DOCK1: variants seen among roughly 807,000 people sequenced by gnomAD.
DOCK1 encodes dedicator of cytokinesis protein 1.
Under a neutral mutation model 262.7 loss-of-function variants are expected in DOCK1, and 138 were observed. The observed-to-expected ratio is 0.53, with a 90% CI of 0.46 to 0.61. DOCK1 has a LOEUF of 0.61. Among genes scored for constraint, DOCK1 ranks in the 20% least tolerant of loss-of-function variants. The pLI is 0.00. For synonymous variants in DOCK1, 866 were observed against 867.4 expected, an observed-to-expected ratio of 1.00 and a Z score of 0.03; for missense variants, 1,908 against 2,370.7, an observed-to-expected ratio of 0.80 and a Z score of 4.05.
chr10:127,221,517 G>A (rs1291258954), intron 27 of DOCK1, among the ~76,000 whole-genome samples: 2 of 152,160 alleles, frequency 1.3e-5, no homozygotes, highest in Admixed American at 1.3e-4. Flanking sequence ...GTCTGCTCAG[G>A]GAGCTCTGGG....
intron 1 of DOCK1, among the ~76,000 whole-genome samples, chr10:126,941,628 T>A (rs940918369): frequency 2.6e-5 from 4 of 151,890 alleles, no homozygotes; most frequent in Non-Finnish European, 5.9e-5. Context: ...TGGTGGCGGG[T>A]GCCTGTAGTC....
At chr10:127,402,737 G>A (rs142290665) in intron 38 of DOCK1, 32 of 547,886 alleles carry the variant, frequency 5.8e-5, no homozygotes, top group African/African-American at 5.3e-4. Flanking sequence ...TCCGACAGAC[G>A]GGCTTCGGGC....
chr10:127,374,858 T>C (rs1260836889), intron 35 of DOCK1, among the ~76,000 whole-genome samples: 3 of 151,970 alleles, frequency 2.0e-5, no homozygotes, highest in East Asian at 1.9e-4. Context: ...CCAGGAAGGA[T>C]CCCCCCCTAG....
At chr10:127,081,266 G>T (rs1026181823) in intron 23 of DOCK1, among the ~76,000 whole-genome samples, 2 of 152,008 alleles carry the variant, frequency 1.3e-5, no homozygotes, top group African/African-American at 4.8e-5. Context: ...GTTTCTACAG[G>T]TTTGTCCTGG....
rs754574678 is a variant in DOCK1 at position 126,970,764 on chromosome 10, C to T, written c.109C>T (p.His37Tyr). 2 of 1,613,298 alleles carry T rather than the reference C, an allele frequency of 1.2e-6. No homozygotes were observed. The highest frequency in any genetic ancestry group is 1.1e-5 in the South Asian group (1 of 90,996). Residue 37 changes from histidine (H) to tyrosine (Y), a missense_variant, in exon 2 of 52, where the codon CAC becomes TAC. By Grantham distance (83) the His-to-Tyr change is moderately conservative. Transcript: ENST00000623213. The part of the protein sequence containing the change: ...ELSLQIGDTV[H>Y]ILETYEGWYR... The stretch of plus-strand genomic sequence containing the variant: ...TTCTTTACAGATCGGAGACACTGTG[C>T]ACATCTTAGAAACATATGAAGGTGC...
intron 29 of DOCK1, among the ~76,000 whole-genome samples, chr10:127,285,722 G>A (rs74158652): frequency 0.022 from 3,413 of 152,326 alleles, 109 homozygotes; most frequent in African/African-American, 0.078. Flanking sequence ...TAGTCCCTAT[G>A]GAGCTGCTGC....
At position 127,248,036 on chromosome 10, in the gene DOCK1, T is replaced by C; in HGVS notation, c.2876T>C (p.Ile959Thr). The C allele has an allele frequency of 6.2e-7, 1 of 1,613,984 alleles. No homozygotes were observed. The highest frequency in any genetic ancestry group is 8.5e-7 in the Non-Finnish European group (1 of 1,179,886). ...IGNFVACMTA[I>T]LRQMEDYHYA... ...AACTTCGTGGCTTGCATGACAGCTA[T>C]TTTACGACAAATGGAAGATTACCAT... The change falls in exon 28 of 52, where the codon ATT becomes ACT. Residue 959 changes from isoleucine (I) to threonine (T), a missense_variant. Around this residue, in one of 9 missense-constraint regions of DOCK1, gnomAD observed 518 missense variants for 575.1 expected, o/e 0.90. Coordinates refer to ENST00000623213, the MANE Select transcript of DOCK1 (RefSeq NM_001290223.2).
chr10:127,021,871 G>C (rs1158639587), intron 13 of DOCK1, among the ~76,000 whole-genome samples: 1 of 152,144 alleles, frequency 6.6e-6, no homozygotes, highest in African/African-American at 2.4e-5. Context: ...GGAGCAAAGA[G>C]AGTTATTTTC....
chr10:127,400,995 A>G (rs1249217934), intron 38 of DOCK1, among the ~76,000 whole-genome samples: 2 of 152,144 alleles, frequency 1.3e-5, no homozygotes, highest in South Asian at 2.1e-4. Context: ...CAACTTCACT[A>G]TCGTAGATGA....
At chr10:127,335,568 G>GA (rs11418483) in intron 29 of DOCK1, among the ~76,000 whole-genome samples, 55,624 of 150,272 alleles carry the variant, frequency 0.37, 10,387 homozygotes, top group East Asian at 0.53. Context: ...TTTTTTTTGA[G>GA]ATGGAGTCTT....
chr10:126,937,399 A>G (rs2034624078), intron 1 of DOCK1, among the ~76,000 whole-genome samples: 1 of 151,360 alleles, frequency 6.6e-6, no homozygotes, highest in South Asian at 2.1e-4. Context: ...TAGTTTTTTG[A>G]GGGACTGCTG....
chr10:127,194,717 T>C (rs1389092501), intron 27 of DOCK1, among the ~76,000 whole-genome samples: 2 of 152,062 alleles, frequency 1.3e-5, no homozygotes, highest in East Asian at 1.9e-4. Context: ...AAGTCCTCGT[T>C]GAGGGGGGAG....
chr10:127,310,192 A>G (rs1402289286), intron 29 of DOCK1, among the ~76,000 whole-genome samples: 4 of 152,114 alleles, frequency 2.6e-5, no homozygotes, highest in Non-Finnish European at 5.9e-5. Flanking sequence ...CACTTTTTAC[A>G]TAGATCCTGG....
At chr10:127,358,071 C>G (rs188794460) in intron 32 of DOCK1, among the ~76,000 whole-genome samples, 1 of 151,892 alleles carries the variant, frequency 6.6e-6, no homozygotes, top group African/African-American at 2.4e-5. Flanking sequence ...ATGATAGCAC[C>G]GACTCTGCCA....
At chr10:127,109,572 C>CT (rs2136241514) in intron 24 of DOCK1, among the ~76,000 whole-genome samples, 1 of 152,252 alleles carries the variant, frequency 6.6e-6, no homozygotes, top group South Asian at 2.1e-4. Context: ...CCCCGAATCT[C>CT]TTTTCTCTCT....
intron 38 of DOCK1, among the ~76,000 whole-genome samples, chr10:127,398,991 T>C (rs2067073743): frequency 6.6e-6 from 1 of 152,236 alleles, no homozygotes; most frequent in Admixed American, 6.5e-5. Flanking sequence ...TTCAAGTTTC[T>C]ATTCATGGAA....
intron 1 of DOCK1, among the ~76,000 whole-genome samples, chr10:126,946,557 A>T (rs36136126): frequency 0.01 from 1,542 of 152,170 alleles, 16 homozygotes; most frequent in Non-Finnish European, 0.017. Context: ...AAAAAGAAAA[A>T]GCTAACTTTC....
At chr10:127,137,742 CCA>C in intron 27 of DOCK1, 1 of 1,232,274 alleles carries the variant, frequency 8.1e-7, no homozygotes, top group East Asian at 2.4e-5. Flanking sequence ...TGAATGGGCA[CCA>C]CAGTTCCCTC....
intron 27 of DOCK1, among the ~76,000 whole-genome samples, chr10:127,213,282 CAGAA>C (rs1268698501): frequency 6.6e-6 from 1 of 152,180 alleles, no homozygotes; most frequent in African/African-American, 2.4e-5. Context: ...ATGCTAGAGA[CAGAA>C]AGAACAAGAT....
Sources: gnomAD v4.1 joint callset for allele counts (sites outside exome capture counted in the v4.1 genomes callset) on GRCh38, gnomAD v4.1.1 for gene constraint, gnomAD v4.1.1 regional missense constraint, MANE v1.5 for transcripts, NCBI Gene and HGNC (gene_info 2026-07-23, HGNC 2026-07-21) for gene names.